ARHGAP32: variants seen among roughly 807,000 people sequenced by gnomAD.
ARHGAP32 encodes Rho GTPase activating protein 32, also known as rho GTPase-activating protein 32.
A neutral mutation model predicts 186.5 loss-of-function variants in ARHGAP32; 51 were observed. The ratio of observed to expected loss-of-function variants is 0.27; its 90% CI spans 0.22 to 0.35. The LOEUF (loss-of-function observed/expected upper bound fraction) is 0.35, where lower values mean the gene tolerates loss of function less well. Among genes scored for constraint, ARHGAP32 ranks in the 10% least tolerant of loss-of-function variants. The pLI is 1.00. For missense variants in ARHGAP32, 2,186 were observed against 2,623.5 expected, an observed-to-expected ratio of 0.83 and a Z score of 3.64; for synonymous variants, 950 against 964.3, an observed-to-expected ratio of 0.99 and a Z score of 0.27.
intron 6 of ARHGAP32, among the ~76,000 whole-genome samples, chr11:129,086,409 T>C (rs1049524872): frequency 9.2e-5 from 14 of 152,178 alleles, no homozygotes; most frequent in Non-Finnish European, 1.6e-4. Context: ...AAAGGCATGA[T>C]CCATGAAAAA....
rs1555074146 is a variant in ARHGAP32 at position 129,023,079 on chromosome 11, T to TCCTG, written c.1045+17848_1045+17849insCAGG. The stretch of plus-strand genomic sequence containing the variant: ...GCAACAATCCTGGAAAGAAAAATGT[T>TCCTG]CAACCTCTGTTAAGAAGTTGAACAT... On this transcript the variant is annotated intron_variant, in intron 11 of 22. Coordinates refer to ENST00000682385, the MANE Select transcript of ARHGAP32 (RefSeq NM_001378024.1). 1.2e-3 allele frequency among the ~76,000 whole-genome samples: 177 copies of TCCTG among 152,276 alleles called. 2 individuals carry two copies. In the East Asian group the frequency reaches 0.031, roughly 27 times the overall value.
intron 10 of ARHGAP32, among the ~76,000 whole-genome samples, chr11:129,050,573 C>A (rs1940001966): frequency 6.6e-6 from 1 of 152,100 alleles, no homozygotes; most frequent in Admixed American, 6.5e-5. Flanking sequence ...ATATTTTCTC[C>A]CAGTCTGTGG....
At chr11:129,183,966 G>A in intron 1 of ARHGAP32, among the ~76,000 whole-genome samples, 1 of 152,060 alleles carries the variant, frequency 6.6e-6, no homozygotes. Flanking sequence ...ATCCTTAACA[G>A]AATGGTATGA....
intron 1 of ARHGAP32, among the ~76,000 whole-genome samples, chr11:129,203,683 A>T (rs1356830315): frequency 1.4e-5 from 2 of 146,794 alleles, no homozygotes; most frequent in African/African-American, 5.0e-5. Context: ...TAAGGCCAGG[A>T]GTTTAAGACC....
At chr11:129,086,797 G>A (rs1264946859) in intron 6 of ARHGAP32, among the ~76,000 whole-genome samples, 11 of 147,956 alleles carry the variant, frequency 7.4e-5, no homozygotes, top group African/African-American at 2.7e-4. Context: ...CTCCAGCCTG[G>A]GCGACAGAGT....
intron 1 of ARHGAP32, among the ~76,000 whole-genome samples, chr11:129,238,731 T>C (rs1471624961): frequency 6.8e-6 from 1 of 147,692 alleles, no homozygotes; most frequent in African/African-American, 2.5e-5. Flanking sequence ...AACCAACCAA[T>C]TGCATAATCA....
chr11:128,998,206 G>T, intron 12 of ARHGAP32, 113 bp downstream of exon 12: 1 of 886,910 alleles, frequency 1.1e-6, no homozygotes, highest in Non-Finnish European at 1.6e-6. Context: ...TACATGCATT[G>T]AACTGAAATG....
intron 1 of ARHGAP32, among the ~76,000 whole-genome samples, chr11:129,203,272 ATAAAG>A (rs1858553127): frequency 6.6e-6 from 1 of 152,234 alleles, no homozygotes; most frequent in South Asian, 2.1e-4. Flanking sequence ...CAATCTACAG[ATAAAG>A]TAAATCAAAA....
At chr11:129,161,692 T>C (rs1156787751) in intron 2 of ARHGAP32, among the ~76,000 whole-genome samples, 3 of 152,160 alleles carry the variant, frequency 2.0e-5, no homozygotes, top group Non-Finnish European at 4.4e-5. Flanking sequence ...TTTTACACTG[T>C]TGGTGGGAGT....
chr11:129,275,353 G>T (rs1265143551), intron 1 of ARHGAP32, among the ~76,000 whole-genome samples: 3 of 152,100 alleles, frequency 2.0e-5, no homozygotes, highest in Admixed American at 6.5e-5. Context: ...AACCTTCCAA[G>T]GTAGATACTA....
upstream of ARHGAP32, among the ~76,000 whole-genome samples, chr11:129,194,545 TGAG>T (rs1282807080): frequency 1.3e-5 from 2 of 152,200 alleles, no homozygotes; most frequent in African/African-American, 4.8e-5. Flanking sequence ...GTGTTTTCAA[TGAG>T]GAGTTAGGAG....
Position 128,971,042 on chromosome 11 carries a change from C to T in ARHGAP32, c.4171G>A (p.Ala1391Thr), listed in dbSNP as rs755601471. The T allele has an allele frequency of 1.2e-6, 2 of 1,613,934 alleles. No individual in the cohort carries two copies. The highest frequency in any genetic ancestry group is 8.5e-7 in the Non-Finnish European group (1 of 1,180,036). ...TTCTCAGGCAGGCCTGGCTGGACAG[C>T]TGTAGCCATGGGACACTGAGCAGCA... ...AAAAQCPMAT[A>T]VQPGLPEKVR... The change falls in exon 23 of 23, where the codon GCT becomes ACT. Residue 1391 changes from alanine to threonine, a missense_variant. Coordinates refer to ENST00000682385, the MANE Select transcript of ARHGAP32 (RefSeq NM_001378024.1).
chr11:128,982,228 T>C (rs1216283450), intron 15 of ARHGAP32, among the ~76,000 whole-genome samples: 1 of 152,142 alleles, frequency 6.6e-6, no homozygotes, highest in Non-Finnish European at 1.5e-5. Context: ...AAAACAGTAA[T>C]GTCTCAAAAG....
intron 1 of ARHGAP32, 102 bp from the exon 2 acceptor site, chr11:129,164,529 G>A: frequency 1.5e-6 from 1 of 684,570 alleles, no homozygotes; most frequent in South Asian, 2.0e-5. Flanking sequence ...TGTCAGATTT[G>A]AAGTTTAGCT....
intron 1 of ARHGAP32, among the ~76,000 whole-genome samples, chr11:129,171,322 T>A (rs996433430): frequency 6.6e-6 from 1 of 152,218 alleles, no homozygotes; most frequent in Non-Finnish European, 1.5e-5. Flanking sequence ...TTTAAGTCTT[T>A]AATCCATCCT....
chr11:128,984,015 TC>T (rs1239509904), intron 15 of ARHGAP32, among the ~76,000 whole-genome samples: 2 of 136,274 alleles, frequency 1.5e-5, no homozygotes, highest in Non-Finnish European at 3.4e-5. Flanking sequence ...CAGGTCATTA[TC>T]CTGTAATAAA....
At chr11:129,193,660 T>A (rs1303028151), upstream of ARHGAP32, among the ~76,000 whole-genome samples, 1 of 57,598 alleles carries the variant, frequency 1.7e-5, no homozygotes. Flanking sequence ...ACATATACAA[T>A]ATATATTATA....
At chr11:129,176,697 A>T (rs1943923619) in intron 1 of ARHGAP32, among the ~76,000 whole-genome samples, 1 of 150,104 alleles carries the variant, frequency 6.7e-6, no homozygotes, top group East Asian at 2.0e-4. Context: ...CTGGGTACAT[A>T]ACGAAATGAA....
At chr11:128,988,423 T>A (rs937352160) in intron 12 of ARHGAP32, among the ~76,000 whole-genome samples, 8 of 152,190 alleles carry the variant, frequency 5.3e-5, no homozygotes, top group Admixed American at 4.6e-4. Flanking sequence ...CTCATTTAGA[T>A]CATGTTACAG....
Sources: allele counts gnomAD v4.1 joint callset (sites outside exome capture counted in the v4.1 genomes callset), GRCh38; gene constraint gnomAD v4.1.1; transcripts MANE v1.5; gene names NCBI Gene and HGNC (gene_info 2026-07-23, HGNC 2026-07-21).